The following TAFA1 variants were observed in gnomAD, a reference collection of about 807,000 sequenced individuals.
TAFA1 encodes chemokine-like protein TAFA-1.
A neutral mutation model predicts 18.5 loss-of-function variants in TAFA1; 4 were observed. The observed-to-expected ratio is 0.22, with a 90% CI of 0.11 to 0.49. The LOEUF (loss-of-function observed/expected upper bound fraction) is 0.49. Ranked by LOEUF, TAFA1 falls within the 20% of genes least tolerant of loss-of-function variation. The pLI, the probability that TAFA1 is intolerant of heterozygous loss-of-function variation, is 0.98. For synonymous variants in TAFA1, 56 were observed against 55.2 expected (o/e 1.01, Z -0.06); for missense variants, 147 against 169.0 (o/e 0.87, Z 0.72).
At position 68,004,429 on chromosome 3, in the gene TAFA1, G is replaced by A. The variant is rs549089454; in HGVS notation, c.-277G>A. 1 of 152,250 alleles carries A rather than the reference G, an allele frequency of 6.6e-6. No individual in the cohort carries two copies. Among genetic ancestry groups the A allele is most frequent in the South Asian group, 2.1e-4 (1 of 4,810 alleles). The allele number at this position is 152,250 out of a possible 1,614,324, so 9.4% of individuals were successfully genotyped here. On this transcript the variant is annotated 5_prime_UTR_variant, in exon 1 of 5. Transcript: ENST00000478136. Reference sequence around the variant, plus strand: ...TCGTCAGGCAGAGGTGACGCCAGGAGATGATTTAAAGGTGAAAATGACAAG... The same window carrying A: ...TCGTCAGGCAGAGGTGACGCCAGGAAATGATTTAAAGGTGAAAATGACAAG...
chr3:68,196,709 A>G (rs1201324591), intron 2 of TAFA1, among the ~76,000 whole-genome samples: 1 of 151,708 alleles, frequency 6.6e-6, no homozygotes, highest in Non-Finnish European at 1.5e-5. Flanking sequence ...GCCCCTGTCC[A>G]TCTCACAGAC....
At chr3:68,144,441 G>A (rs2065711953) in intron 2 of TAFA1, among the ~76,000 whole-genome samples, 2 of 152,154 alleles carry the variant, frequency 1.3e-5, no homozygotes, top group Admixed American at 6.5e-5. Context: ...GGACTTCTGT[G>A]CTTTAATTCG....
In TAFA1 at chr3:68,339,999, C is replaced by A. The variant is rs1159100485; in HGVS notation, c.119-77281C>A. On this transcript the variant is annotated intron_variant, in intron 2 of 4. Transcript: ENST00000478136. ...TTGTTCCACCAAGGAGTTTCCTATC[C>A]TTTTTATTTTCTTCTAATTATTTTT... Among the ~76,000 whole-genome samples the A allele has an allele frequency of 5.3e-5, 8 of 152,286 alleles. No homozygotes were observed. The East Asian group carries it at 1.4e-3, about 26-fold the overall frequency.
At chr3:68,389,811 C>A (rs759590365) in intron 2 of TAFA1, among the ~76,000 whole-genome samples, 2 of 152,224 alleles carry the variant, frequency 1.3e-5, no homozygotes, top group Admixed American at 6.5e-5. Context: ...CTGTGCTGTG[C>A]GGGATGGTGC....
chr3:68,255,300 A>AT (rs1228461787), intron 2 of TAFA1, among the ~76,000 whole-genome samples: 2 of 152,254 alleles, frequency 1.3e-5, no homozygotes, highest in East Asian at 3.9e-4. Context: ...ACAAACCTAT[A>AT]TTTTGTAAAT....
At chr3:68,218,690 A>G (rs2107085700) in intron 2 of TAFA1, among the ~76,000 whole-genome samples, 1 of 152,294 alleles carries the variant, frequency 6.6e-6, no homozygotes, top group Non-Finnish European at 1.5e-5. Flanking sequence ...AAGAAAGATC[A>G]AAATTTGCAT....
chr3:68,048,245 T>A (rs2064418116), intron 2 of TAFA1, among the ~76,000 whole-genome samples: 1 of 151,962 alleles, frequency 6.6e-6, no homozygotes, highest in Non-Finnish European at 1.5e-5. Flanking sequence ...ATATGTGGGG[T>A]TCATGAATAT....
At chr3:68,237,430 A>T (rs1479244639) in intron 2 of TAFA1, among the ~76,000 whole-genome samples, 3 of 152,210 alleles carry the variant, frequency 2.0e-5, no homozygotes, top group African/African-American at 7.2e-5. Context: ...GGACACAAAC[A>T]TTCAGACCAT....
At chr3:68,369,309 G>A (rs1488360910) in intron 2 of TAFA1, among the ~76,000 whole-genome samples, 1 of 152,148 alleles carries the variant, frequency 6.6e-6, no homozygotes, top group Non-Finnish European at 1.5e-5. Flanking sequence ...CAAATCCTTG[G>A]ATCGGAGTAT....
rs549607611 is a variant in TAFA1 at position 68,100,841 on chromosome 3, G to T, written c.118+94097G>T. ...ATGATGTAGGAAAGATACCCATTAC[G>T]ATAGCACAAGACAAAACGTGATATA... On this transcript the variant is annotated intron_variant, in intron 2 of 4. Transcript: ENST00000478136. Among the ~76,000 whole-genome samples, 8 of 152,190 alleles carry T rather than the reference G, an allele frequency of 5.3e-5. No homozygotes were observed. In the East Asian group the frequency reaches 1.5e-3, roughly 29 times the overall value.
chr3:68,485,279 T>C (rs2072315453), intron 3 of TAFA1, among the ~76,000 whole-genome samples: 1 of 152,160 alleles, frequency 6.6e-6, no homozygotes, highest in Admixed American at 6.5e-5. Context: ...TCTAACTGAT[T>C]CCAGCCATTT....
chr3:68,084,746 C>G (rs183536621), intron 2 of TAFA1, among the ~76,000 whole-genome samples: 1 of 150,684 alleles, frequency 6.6e-6, no homozygotes, highest in African/African-American at 2.4e-5. Flanking sequence ...TGCAGCGAGC[C>G]GAGATAGCGC....
At chr3:68,279,191 C>T (rs771536512) in intron 2 of TAFA1, among the ~76,000 whole-genome samples, 1 of 152,114 alleles carries the variant, frequency 6.6e-6, no homozygotes, top group African/African-American at 2.4e-5. Flanking sequence ...ACCAGGATAG[C>T]TAAAAAATAT....
intron 3 of TAFA1, among the ~76,000 whole-genome samples, chr3:68,478,264 G>C (rs2072142853): frequency 6.6e-6 from 1 of 152,192 alleles, no homozygotes; most frequent in Non-Finnish European, 1.5e-5. Context: ...TCAGTGATGT[G>C]CTCAAGGCAC....
At chr3:68,511,752 A>G (rs1203847050) in intron 3 of TAFA1, among the ~76,000 whole-genome samples, 1 of 152,068 alleles carries the variant, frequency 6.6e-6, no homozygotes, top group Non-Finnish European at 1.5e-5. Flanking sequence ...TCTCTTTATT[A>G]CAACTGTCAA....
chr3:68,446,507 G>A (rs573427258), intron 3 of TAFA1, among the ~76,000 whole-genome samples: 59 of 152,140 alleles, frequency 3.9e-4, no homozygotes, highest in African/African-American at 1.4e-3. Flanking sequence ...TGCCAGCAGC[G>A]TATTCAATTA....
At chr3:68,210,895 T>C (rs1004708739) in intron 2 of TAFA1, among the ~76,000 whole-genome samples, 7 of 152,028 alleles carry the variant, frequency 4.6e-5, no homozygotes, top group Admixed American at 1.3e-4. Context: ...GATGTTGTAA[T>C]TCAAATATTG....
In TAFA1 at chr3:68,385,203, G is replaced by A. The variant is rs138393735; in HGVS notation, c.119-32077G>A. On this transcript the variant is annotated intron_variant, in intron 2 of 4. Transcript: ENST00000478136. Reference sequence around the variant, plus strand: ...CCTGAGGATTACATGAGATAATGTAGCATCTAGACTATTACGAGGAAGGTG... The same window carrying A: ...CCTGAGGATTACATGAGATAATGTAACATCTAGACTATTACGAGGAAGGTG... Among the ~76,000 whole-genome samples the A allele has an allele frequency of 4.1e-3, 626 of 152,208 alleles. 3 individuals are homozygous for A. The highest frequency in any genetic ancestry group is 6.9e-3 in the Non-Finnish European group (469 of 67,976).
chr3:68,540,911 T>G (rs2106794079), intron 4 of TAFA1, among the ~76,000 whole-genome samples: 1 of 152,272 alleles, frequency 6.6e-6, no homozygotes, highest in African/African-American at 2.4e-5. Context: ...ACCCTAGACA[T>G]TTTCCAACAA....
Sources: allele counts gnomAD v4.1 joint callset (sites outside exome capture counted in the v4.1 genomes callset), GRCh38; gene constraint gnomAD v4.1.1; transcripts MANE v1.5; gene names NCBI Gene and HGNC (gene_info 2026-07-23, HGNC 2026-07-21).